The following CFAP61 variants were observed in gnomAD, a reference collection of about 807,000 sequenced individuals.
CFAP61 encodes cilia- and flagella-associated protein 61.
A neutral mutation model predicts 135.6 loss-of-function variants in CFAP61; 107 were observed. The ratio of observed to expected loss-of-function variants is 0.79; its 90% CI spans 0.67 to 0.93. The LOEUF (loss-of-function observed/expected upper bound fraction) is 0.93. Among genes scored for constraint, CFAP61 ranks in the 40% least tolerant of loss-of-function variants. The pLI is 0.00. For synonymous variants in CFAP61, 575 were observed against 578.5 expected, an observed-to-expected ratio of 0.99 and a Z score of 0.09; for missense variants, 1,507 against 1,556.2, an observed-to-expected ratio of 0.97 and a Z score of 0.53.
At chr20:20,187,594 C>T (rs1316304223) in intron 13 of CFAP61, among the ~76,000 whole-genome samples, 4 of 152,114 alleles carry the variant, frequency 2.6e-5, no homozygotes, top group Non-Finnish European at 5.9e-5. Context: ...AATGTGACTT[C>T]TTTGTAACAT....
intron 17 of CFAP61, among the ~76,000 whole-genome samples, chr20:20,212,268 C>T (rs899186029): frequency 6.6e-6 from 1 of 152,150 alleles, no homozygotes; most frequent in Non-Finnish European, 1.5e-5. Context: ...GACTCAGATG[C>T]TTCTCATGAC....
intron 25 of CFAP61, among the ~76,000 whole-genome samples, chr20:20,311,370 C>G (rs2056817124): frequency 6.6e-6 from 1 of 152,120 alleles, no homozygotes; most frequent in African/African-American, 2.4e-5. Flanking sequence ...CATGAAACAA[C>G]TAAATAGCTG....
intron 15 of CFAP61, among the ~76,000 whole-genome samples, chr20:20,193,132 A>G (rs1245249007): frequency 2.0e-5 from 3 of 152,076 alleles, no homozygotes; most frequent in Non-Finnish European, 2.9e-5. Flanking sequence ...CCTTTTCACT[A>G]TTTATACCTT....
At chr20:20,279,524 C>T (rs905319899) in intron 22 of CFAP61, among the ~76,000 whole-genome samples, 11 of 152,050 alleles carry the variant, frequency 7.2e-5, no homozygotes, top group African/African-American at 2.4e-4. Context: ...TAAAGATCTT[C>T]GTCCTCATTG....
At chr20:20,194,201 C>A (rs1033263422) in intron 15 of CFAP61, among the ~76,000 whole-genome samples, 4 of 152,040 alleles carry the variant, frequency 2.6e-5, no homozygotes, top group Non-Finnish European at 5.9e-5. Context: ...GATATTAGAT[C>A]TTTTGAATTG....
At chr20:20,310,814 A>G (rs989685870) in intron 25 of CFAP61, among the ~76,000 whole-genome samples, 1 of 152,176 alleles carries the variant, frequency 6.6e-6, no homozygotes, top group African/African-American at 2.4e-5. Flanking sequence ...GCTACAGCTG[A>G]CACCAAATAC....
chr20:20,088,200 G>T (rs1390352456), intron 6 of CFAP61, among the ~76,000 whole-genome samples: 1 of 152,154 alleles, frequency 6.6e-6, no homozygotes, highest in Non-Finnish European at 1.5e-5. Context: ...TCAGGGCCAG[G>T]TTGACAGTTT....
intron 7 of CFAP61, among the ~76,000 whole-genome samples, chr20:20,098,067 C>G (rs1016879715): frequency 6.6e-6 from 1 of 152,126 alleles, no homozygotes; most frequent in African/African-American, 2.4e-5. Context: ...GGAGCATGGT[C>G]TGAGCAGAGG....
At chr20:20,160,780 G>A (rs1052261810) in intron 10 of CFAP61, among the ~76,000 whole-genome samples, 2 of 152,212 alleles carry the variant, frequency 1.3e-5, no homozygotes. Context: ...GACAAGGACT[G>A]CAAGTGCCTG....
intron 2 of CFAP61, among the ~76,000 whole-genome samples, chr20:20,058,927 G>T (rs1313959951): frequency 6.6e-6 from 1 of 152,030 alleles, no homozygotes; most frequent in Non-Finnish European, 1.5e-5. Context: ...ATCAACAAGA[G>T]AAATTATATA....
chr20:20,355,541 G>C (rs1483137557), intron 26 of CFAP61, among the ~76,000 whole-genome samples: 1 of 126,162 alleles, frequency 7.9e-6, no homozygotes, highest in Non-Finnish European at 1.6e-5. Flanking sequence ...GGGAGGTAGT[G>C]ACACTGTGAG....
intron 1 of CFAP61, chr20:20,055,915 TGAGA>T: frequency 1.3e-6 from 2 of 1,510,974 alleles, no homozygotes; most frequent in Non-Finnish European, 9.2e-7. Flanking sequence ...ATTGAGACAA[TGAGA>T]GAGAAATTGA....
At chr20:20,123,179 C>G (rs1003938358) in intron 8 of CFAP61, among the ~76,000 whole-genome samples, 1 of 151,334 alleles carries the variant, frequency 6.6e-6, no homozygotes, top group Non-Finnish European at 1.5e-5. Context: ...AGTCCTTTGT[C>G]AGATGTACAG....
chr20:20,209,509 A>T (rs1465389013), intron 17 of CFAP61, among the ~76,000 whole-genome samples: 2 of 152,236 alleles, frequency 1.3e-5, no homozygotes, highest in Non-Finnish European at 2.9e-5. Context: ...ACAGAGATAT[A>T]CAACAAACCC....
chr20:20,113,489 A>G (rs965830625), intron 8 of CFAP61, among the ~76,000 whole-genome samples: 1 of 152,186 alleles, frequency 6.6e-6, no homozygotes, highest in Non-Finnish European at 1.5e-5. Flanking sequence ...CTGTACCACA[A>G]TAAATTTTAT....
At chr20:20,077,975 C>T (rs2046174612) in intron 6 of CFAP61, among the ~76,000 whole-genome samples, 1 of 152,190 alleles carries the variant, frequency 6.6e-6, no homozygotes. Flanking sequence ...GGGGATTCAC[C>T]ACAGAATGTA....
At chr20:20,090,492 C>T (rs1231223944) in intron 6 of CFAP61, among the ~76,000 whole-genome samples, 1 of 151,920 alleles carries the variant, frequency 6.6e-6, no homozygotes, top group East Asian at 1.9e-4. Context: ...GAGATAGAAA[C>T]CATCCTGGCC....
intron 15 of CFAP61, among the ~76,000 whole-genome samples, chr20:20,193,863 C>A (rs977717199): frequency 1.3e-5 from 2 of 152,170 alleles, no homozygotes; most frequent in Admixed American, 1.3e-4. Flanking sequence ...ATCTGCCCCC[C>A]TCAACCTCCC....
intron 1 of CFAP61, among the ~76,000 whole-genome samples, chr20:20,053,360 C>T (rs1232619972): frequency 1.3e-5 from 2 of 152,194 alleles, no homozygotes; most frequent in East Asian, 3.9e-4. Flanking sequence ...CTCTAACAGC[C>T]TCCAACTCTT....
Sources: allele counts gnomAD v4.1 joint callset (sites outside exome capture counted in the v4.1 genomes callset), GRCh38; gene constraint gnomAD v4.1.1; transcripts MANE v1.5; gene names NCBI Gene and HGNC (gene_info 2026-07-23, HGNC 2026-07-21).